NMNAT2: variants seen among roughly 807,000 people sequenced by gnomAD.
NMNAT2 encodes nicotinamide nucleotide adenylyltransferase 2.
NMNAT2 carries 11 observed loss-of-function variants against 41.6 expected under a neutral mutation model. That is an observed-to-expected ratio of 0.26 (90% CI 0.17 to 0.44). The LOEUF (loss-of-function observed/expected upper bound fraction) is 0.44, where lower values mean the gene tolerates loss of function less well. NMNAT2 is among the 20% of genes least tolerant of loss of function. The pLI is 1.00. For synonymous variants in NMNAT2, 148 were observed against 151.2 expected (o/e 0.98, Z 0.16); for missense variants, 288 against 407.7 (o/e 0.71, Z 2.53).
intron 1 of NMNAT2, among the ~76,000 whole-genome samples, chr1:183,384,715 A>G (rs568271098): frequency 1.9e-4 from 29 of 152,204 alleles, no homozygotes; most frequent in Non-Finnish European, 3.8e-4. Flanking sequence ...CTTTACTCAA[A>G]GACGTCTCTC....
intron 1 of NMNAT2, among the ~76,000 whole-genome samples, chr1:183,298,767 G>GAAC (rs1024757963): frequency 7.2e-5 from 11 of 152,012 alleles, no homozygotes; most frequent in Middle Eastern, 6.8e-3. Flanking sequence ...TAGTGGTTAG[G>GAAC]AACAACAACA....
At chr1:183,388,563 C>T (rs1648329689) in intron 1 of NMNAT2, among the ~76,000 whole-genome samples, 1 of 152,182 alleles carries the variant, frequency 6.6e-6, no homozygotes, top group Non-Finnish European at 1.5e-5. Flanking sequence ...GATGTTGCAC[C>T]TTGTAATTAA....
At chr1:183,252,959 T>C (rs545753604) in intron 10 of NMNAT2, among the ~76,000 whole-genome samples, 46 of 152,304 alleles carry the variant, frequency 3.0e-4, no homozygotes, top group Admixed American at 9.8e-4. Context: ...TGAGAGGCCT[T>C]GGGAAAGTTA....
At chr1:183,271,764 T>G (rs1201717569) in intron 8 of NMNAT2, among the ~76,000 whole-genome samples, 1 of 152,176 alleles carries the variant, frequency 6.6e-6, no homozygotes, top group Non-Finnish European at 1.5e-5. Context: ...TTTTTCTTTT[T>G]TTTTTGAGAT....
chr1:183,401,936 G>A (rs1648823198), intron 1 of NMNAT2, among the ~76,000 whole-genome samples: 1 of 137,316 alleles, frequency 7.3e-6, no homozygotes, highest in Admixed American at 7.4e-5. Flanking sequence ...TGGGGGAGGG[G>A]GGAGGGATAG....
chr1:183,346,119 T>C (rs184313528), intron 1 of NMNAT2, among the ~76,000 whole-genome samples: 7 of 152,304 alleles, frequency 4.6e-5, no homozygotes, highest in Admixed American at 4.6e-4. Context: ...GCTCCAATTC[T>C]ACTGCTGCTG....
rs1663096852 is a variant in NMNAT2 at position 183,352,948 on chromosome 1, T to C, written c.86-59155A>G. Among the ~76,000 whole-genome samples, 4 of 152,138 alleles carry C rather than the reference T, an allele frequency of 2.6e-5. No individual in the cohort carries two copies. The South Asian group carries it at 6.2e-4, about 24-fold the overall frequency. On this transcript the variant is annotated intron_variant, in intron 1 of 10. Coordinates refer to ENST00000287713, the MANE Select transcript of NMNAT2 (RefSeq NM_015039.4). ...TGGCCTGGGCATACAACTGACCAAA[T>C]GGGCAAGGGAATATGAAGAGGGGGT...
intron 1 of NMNAT2, among the ~76,000 whole-genome samples, chr1:183,314,303 G>A (rs1210464657): frequency 6.6e-6 from 1 of 152,114 alleles, no homozygotes; most frequent in Admixed American, 6.6e-5. Context: ...TGTCTCAAAT[G>A]CTCTTCCCTA....
At chr1:183,417,617 C>G (rs1365011833) in intron 1 of NMNAT2, among the ~76,000 whole-genome samples, 2 of 152,204 alleles carry the variant, frequency 1.3e-5, no homozygotes, top group African/African-American at 4.8e-5. Context: ...CCCACAATTC[C>G]CAAACACTGG....
At chr1:183,379,314 G>C (rs1412255295) in intron 1 of NMNAT2, among the ~76,000 whole-genome samples, 2 of 151,966 alleles carry the variant, frequency 1.3e-5, no homozygotes, top group Admixed American at 6.6e-5. Flanking sequence ...CCCAGCAGTT[G>C]GGACCATAGG....
chr1:183,398,069 T>TTAAATG (rs1446581316), intron 1 of NMNAT2, among the ~76,000 whole-genome samples: 1 of 152,156 alleles, frequency 6.6e-6, no homozygotes, highest in Non-Finnish European at 1.5e-5. Flanking sequence ...AACATTAACC[T>TTAAATG]TAAATGTAAA....
At chr1:183,371,089 G>A (rs1411182568) in intron 1 of NMNAT2, among the ~76,000 whole-genome samples, 2 of 152,186 alleles carry the variant, frequency 1.3e-5, no homozygotes, top group African/African-American at 4.8e-5. Flanking sequence ...AAAAAGGCCA[G>A]GGGCAGGAGT....
chr1:183,402,727 C>A (rs777730162), intron 1 of NMNAT2, among the ~76,000 whole-genome samples: 7 of 152,304 alleles, frequency 4.6e-5, no homozygotes, highest in Admixed American at 4.6e-4. Flanking sequence ...GCTGCTCCCC[C>A]CTCCACTCCC....
chr1:183,273,793 CTCTCTCTT>C (rs1032708354), intron 8 of NMNAT2, among the ~76,000 whole-genome samples: 2 of 148,000 alleles, frequency 1.4e-5, no homozygotes, highest in Admixed American at 6.8e-5. Flanking sequence ...CTTTCTTCCT[CTCTCTCTT>C]TCTCTCTTTC....
intron 1 of NMNAT2, among the ~76,000 whole-genome samples, chr1:183,296,065 G>A (rs1296052877): frequency 2.0e-5 from 3 of 152,096 alleles, no homozygotes; most frequent in Non-Finnish European, 2.9e-5. Flanking sequence ...AGCCAAACTG[G>A]TCTCAAACTC....
At chr1:183,307,098 C>A (rs973990513) in intron 1 of NMNAT2, among the ~76,000 whole-genome samples, 1 of 152,046 alleles carries the variant, frequency 6.6e-6, no homozygotes, top group Non-Finnish European at 1.5e-5. Context: ...GTTATTAAAT[C>A]TGAGAAGATT....
chr1:183,401,752 C>T (rs1648814012), intron 1 of NMNAT2, among the ~76,000 whole-genome samples: 1 of 152,092 alleles, frequency 6.6e-6, no homozygotes, highest in African/African-American at 2.4e-5. Flanking sequence ...AGGATGAGTT[C>T]ATGTCCTTTG....
Position 183,389,836 on chromosome 1 carries a change from GAAA to G in NMNAT2, c.85+28344_85+28346del, listed in dbSNP as rs1557897791. On this transcript the variant is annotated intron_variant, in intron 1 of 10. Transcript: ENST00000287713. ...AGAAAGAAAGAAAGAAAGAAAGAAA[GAAA>G]GAAAGGAAAAAAGAGAAAGAAAGAA... is the stretch of plus-strand genomic sequence containing the variant. Among the ~76,000 whole-genome samples the G allele has an allele frequency of 9.9e-4, 53 of 53,716 alleles. 5 individuals are homozygous for G. Among genetic ancestry groups the G allele is most frequent in the South Asian group, 1.6e-3 (2 of 1,248 alleles). 35.2% of individuals were successfully genotyped at this position (53,716 alleles called of 152,430 possible).
intron 1 of NMNAT2, among the ~76,000 whole-genome samples, chr1:183,296,136 C>T (rs941582799): frequency 6.6e-6 from 1 of 152,198 alleles, no homozygotes; most frequent in Non-Finnish European, 1.5e-5. Context: ...AGGCGTGAGC[C>T]ACCGCGCCCG....
Sources: allele counts gnomAD v4.1 joint callset (sites outside exome capture counted in the v4.1 genomes callset), GRCh38; gene constraint gnomAD v4.1.1; transcripts MANE v1.5; gene names NCBI Gene and HGNC (gene_info 2026-07-23, HGNC 2026-07-21).